Variants in BICD1 observed in about 807,000 individuals in gnomAD.
BICD1 encodes the protein protein bicaudal D homolog 1.
A neutral mutation model predicts 92.5 loss-of-function variants in BICD1; 35 were observed. The observed-to-expected ratio is 0.38, with a 90% CI of 0.29 to 0.50. The LOEUF (loss-of-function observed/expected upper bound fraction) is 0.50, where lower values mean the gene tolerates loss of function less well. Among genes scored for constraint, BICD1 ranks in the 20% least tolerant of loss-of-function variants. The pLI is 0.93. For missense variants in BICD1, 950 were observed against 1,189.8 expected (o/e 0.80, Z 2.97); for synonymous variants, 429 against 465.1 (o/e 0.92, Z 1.00).
At chr12:32,256,568 G>A (rs914399329) in intron 2 of BICD1, among the ~76,000 whole-genome samples, 1 of 152,266 alleles carries the variant, frequency 6.6e-6, no homozygotes, top group South Asian at 2.1e-4. Context: ...AAATGATAAA[G>A]AAAAGTTTTT....
intron 4 of BICD1, among the ~76,000 whole-genome samples, chr12:32,327,048 T>C (rs987092541): frequency 6.6e-6 from 1 of 152,224 alleles, no homozygotes. Flanking sequence ...GATTGATTCA[T>C]AGGCACCCTG....
chr12:32,289,986 G>A (rs558827919), intron 2 of BICD1, among the ~76,000 whole-genome samples: 6 of 152,294 alleles, frequency 3.9e-5, no homozygotes, highest in South Asian at 2.1e-4. Context: ...GAGGGAAGCT[G>A]TAAAGGGAGG....
rs1037641413 is a variant in BICD1, at chr12:32,375,080, A to G, written c.2841-2460A>G. On this transcript the variant is annotated intron_variant, in intron 9 of 9. Coordinates refer to ENST00000652176, the MANE Select transcript of BICD1 (RefSeq NM_001714.4). ...ACTACAGGCGCCCGCCACCACGCCC[A>G]GCTAATTTTTTTTTTTAATTATTTT... Among the ~76,000 whole-genome samples the G allele has an allele frequency of 9.4e-4, 140 of 149,216 alleles. 2 individuals are homozygous for G. Among genetic ancestry groups the G allele is most frequent in the Non-Finnish European group, 1.7e-3 (113 of 67,326 alleles).
rs1410878470 is a variant in BICD1 at position 32,116,474 on chromosome 12, CTCTCTCTCTCTCTCTCTT to C, written c.213+8948_213+8965del. 4.1e-3 allele frequency among the ~76,000 whole-genome samples: 460 copies of C among 111,136 alleles called. 1 individual carries two copies. The highest frequency in any genetic ancestry group is 0.011 in the African/African-American group (330 of 29,046). The allele number at this position is 111,136 out of a possible 152,430, so 72.9% of individuals were successfully genotyped here. ...TGTCTGTCTGTCTGTCTCTCTCTCT[CTCTCTCTCTCTCTCTCTT>C]TCTCTCTCTCTCTCTCTCTATATAT... On this transcript the variant is annotated intron_variant, in intron 1 of 9. Transcript: ENST00000652176.
At chr12:32,135,165 T>G (rs1942690194) in intron 1 of BICD1, among the ~76,000 whole-genome samples, 1 of 150,972 alleles carries the variant, frequency 6.6e-6, no homozygotes, top group Non-Finnish European at 1.5e-5. Flanking sequence ...CTCAGTTCAT[T>G]GCAACCTCCA....
chr12:32,112,001 C>CTTTTTTTTTTT (rs35592483), intron 1 of BICD1, among the ~76,000 whole-genome samples: 2 of 97,094 alleles, frequency 2.1e-5, no homozygotes, highest in African/African-American at 8.5e-5. Flanking sequence ...TGCACTATCC[C>CTTTTTTTTTTT]TTTTTTTTTT....
intron 1 of BICD1, among the ~76,000 whole-genome samples, chr12:32,186,506 A>G (rs896623788): frequency 7.2e-5 from 11 of 152,214 alleles, no homozygotes; most frequent in African/African-American, 2.7e-4. Context: ...CAACATGTCT[A>G]AATTTCACAC....
intron 2 of BICD1, among the ~76,000 whole-genome samples, chr12:32,277,754 A>G (rs1947314680): frequency 6.6e-6 from 1 of 152,180 alleles, no homozygotes; most frequent in Admixed American, 6.5e-5. Context: ...GCTGTAAACT[A>G]TATTAATTCC....
chr12:32,171,940 TACAC>T (rs61038844), intron 1 of BICD1, among the ~76,000 whole-genome samples: 6,508 of 140,912 alleles, frequency 0.046, 180 homozygotes, highest in South Asian at 0.092. Context: ...TCTCAAAAAA[TACAC>T]ACACACACAC....
Position 32,291,539 on chromosome 12 carries a change from A to AT in BICD1, c.427-2455_427-2454insT, listed in dbSNP as rs1401376797. ...AGACCCTGCTTCTACCAAAAAAAAA[A>AT]ATATATATTAAATTTGTAGAAGTCT... On this transcript the variant is annotated intron_variant, in intron 2 of 9. Transcript: ENST00000652176. Among the ~76,000 whole-genome samples the AT allele has an allele frequency of 1.9e-3, 286 of 151,172 alleles. 2 individuals are homozygous for AT. The highest frequency in any genetic ancestry group is 5.0e-3 in the African/African-American group (204 of 41,056).
chr12:32,235,257 A>C (rs977817636), intron 2 of BICD1, among the ~76,000 whole-genome samples: 1 of 152,294 alleles, frequency 6.6e-6, no homozygotes, highest in Non-Finnish European at 1.5e-5. Context: ...TTGGATAGTT[A>C]ACTCAGTAGT....
intron 9 of BICD1, chr12:32,367,949 G>T: frequency 1.9e-6 from 1 of 538,894 alleles, no homozygotes; most frequent in East Asian, 2.9e-5. Context: ...TTATTTTGCT[G>T]GCTGCCAGCT....
intron 2 of BICD1, among the ~76,000 whole-genome samples, chr12:32,274,435 T>A (rs1219104568): frequency 2.0e-5 from 3 of 152,186 alleles, no homozygotes; most frequent in Non-Finnish European, 4.4e-5. Flanking sequence ...GTTTTCTACT[T>A]ATGAAAGTTA....
At chr12:32,191,731 T>C (rs1356222522) in intron 1 of BICD1, among the ~76,000 whole-genome samples, 3 of 146,728 alleles carry the variant, frequency 2.0e-5, no homozygotes, top group Non-Finnish European at 4.5e-5. Context: ...ATGCTGATTG[T>C]GATCAGTGAT....
intron 2 of BICD1, among the ~76,000 whole-genome samples, chr12:32,261,954 G>C (rs1946869280): frequency 1.3e-5 from 2 of 152,138 alleles, no homozygotes; most frequent in African/African-American, 4.8e-5. Context: ...ATAATTGTGG[G>C]GTGAGGTGAG....
At chr12:32,117,525 G>A (rs1330126144) in intron 1 of BICD1, among the ~76,000 whole-genome samples, 3 of 151,826 alleles carry the variant, frequency 2.0e-5, no homozygotes, top group African/African-American at 7.3e-5. Flanking sequence ...TTTAAGATGA[G>A]TGTATCTCTA....
chr12:32,138,811 CTCA>C (rs1171718000), intron 1 of BICD1, among the ~76,000 whole-genome samples: 41 of 152,138 alleles, frequency 2.7e-4, no homozygotes, highest in African/African-American at 7.5e-4. Context: ...AGGACATAAT[CTCA>C]TCATCAGTTG....
rs376581840 is a variant in BICD1 at position 32,287,077 on chromosome 12, A to T, written c.427-6917A>T. 2.6e-5 allele frequency among the ~76,000 whole-genome samples: 4 copies of T among 152,284 alleles called. No homozygotes were observed. In the East Asian group the frequency reaches 7.7e-4, roughly 29 times the overall value. On this transcript the variant is annotated intron_variant, in intron 2 of 9. Transcript: ENST00000652176. Reference sequence around the variant, plus strand: ...GGAGATGACATCTGAAATGAGACTTAAATAACAAGTAAACACAGAAGAGTT... The same window carrying T: ...GGAGATGACATCTGAAATGAGACTTTAATAACAAGTAAACACAGAAGAGTT...
At chr12:32,338,017 C>G in intron 7 of BICD1, 1 of 558,760 alleles carries the variant, frequency 1.8e-6, no homozygotes, top group South Asian at 2.5e-5. Context: ...CCTTTCTAAC[C>G]CCCTGCCCAA....
Sources: gnomAD v4.1 joint callset for allele counts (sites outside exome capture counted in the v4.1 genomes callset) on GRCh38, gnomAD v4.1.1 for gene constraint, MANE v1.5 for transcripts, NCBI Gene and HGNC (gene_info 2026-07-23, HGNC 2026-07-21) for gene names.